CCDC141: variants seen among roughly 807,000 people sequenced by gnomAD.
CCDC141 encodes the protein coiled-coil domain-containing protein 141.
In CCDC141, 168 loss-of-function variants were observed where a neutral mutation model predicts 181.0. The observed-to-expected ratio is 0.93, with a 90% confidence interval of 0.82 to 1.05. CCDC141 has a LOEUF of 1.05. Ranked by LOEUF, CCDC141 falls within the 50% of genes least tolerant of loss-of-function variation. The pLI is 0.00. For missense variants in CCDC141, 1,902 were observed against 1,788.5 expected, an observed-to-expected ratio of 1.06 and a Z score of -1.14; for synonymous variants, 666 against 642.3, an observed-to-expected ratio of 1.04 and a Z score of -0.56.
In CCDC141 at chr2:178,899,046, G is replaced by A. The variant is rs191872139; in HGVS notation, c.1265+6283C>T. Reference sequence around the variant, plus strand: ...TTTATATAGAAAGTAAAAAAGTACAGTTATACACTGTATAACATTTCAATC... The same window carrying A: ...TTTATATAGAAAGTAAAAAAGTACAATTATACACTGTATAACATTTCAATC... On this transcript the variant is annotated intron_variant, in intron 8 of 23. Transcript: ENST00000443758. Among the ~76,000 whole-genome samples the A allele has an allele frequency of 4.1e-3, 616 of 152,070 alleles. 2 individuals carry two copies. Among genetic ancestry groups the A allele is most frequent in the Non-Finnish European group, 7.6e-3 (513 of 67,900 alleles).
At chr2:178,981,707 A>G (rs1452188539) in intron 2 of CCDC141, among the ~76,000 whole-genome samples, 183 of 126,744 alleles carry the variant, frequency 1.4e-3, no homozygotes, top group Admixed American at 4.0e-3. Context: ...GAGAGAAAAA[A>G]AAACCTAAAT....
At chr2:178,842,082 T>C (rs950177916) in intron 22 of CCDC141, among the ~76,000 whole-genome samples, 5 of 151,076 alleles carry the variant, frequency 3.3e-5, no homozygotes, top group African/African-American at 4.9e-5. Context: ...AAAAAAAAAA[T>C]GTGTGTGTGT....
At chr2:179,024,912 TA>T (rs923680500) in intron 2 of CCDC141, among the ~76,000 whole-genome samples, 2 of 151,964 alleles carry the variant, frequency 1.3e-5, no homozygotes, top group African/African-American at 2.4e-5. Context: ...AAAAACTTTT[TA>T]AAAAAAACAT....
intron 7 of CCDC141, among the ~76,000 whole-genome samples, chr2:178,907,874 T>C (rs1001178579): frequency 1.3e-5 from 2 of 151,982 alleles, no homozygotes; most frequent in African/African-American, 4.8e-5. Flanking sequence ...TAGCACGTGC[T>C]TGTAATCCCA....
intron 6 of CCDC141, among the ~76,000 whole-genome samples, chr2:178,943,047 G>A (rs182521783): frequency 1.8e-4 from 27 of 152,152 alleles, no homozygotes; most frequent in South Asian, 4.2e-4. Flanking sequence ...ACAATTTATC[G>A]TGAATATAAC....
At chr2:178,994,334 C>T (rs1159593548) in intron 2 of CCDC141, among the ~76,000 whole-genome samples, 1 of 152,240 alleles carries the variant, frequency 6.6e-6, no homozygotes, top group Admixed American at 6.5e-5. Context: ...TGTGTACCCA[C>T]AGGCTTGACA....
chr2:179,024,174 C>T (rs1409029093), intron 2 of CCDC141, among the ~76,000 whole-genome samples: 1 of 152,166 alleles, frequency 6.6e-6, no homozygotes, highest in Non-Finnish European at 1.5e-5. Flanking sequence ...ATTATTCATC[C>T]GTTCCACCAT....
At chr2:178,962,878 CTT>C (rs1323195955) in intron 4 of CCDC141, among the ~76,000 whole-genome samples, 5 of 152,166 alleles carry the variant, frequency 3.3e-5, no homozygotes, top group African/African-American at 7.2e-5. Flanking sequence ...TGACCCTGAA[CTT>C]TTCACTATGT....
chr2:179,048,694 C>T (rs1330303354), intron 1 of CCDC141, among the ~76,000 whole-genome samples: 2 of 152,134 alleles, frequency 1.3e-5, no homozygotes, highest in Non-Finnish European at 2.9e-5. Context: ...CATCTCCTCT[C>T]TGGGACTCTG....
intron 2 of CCDC141, among the ~76,000 whole-genome samples, chr2:179,016,760 G>A (rs2042555455): frequency 6.6e-6 from 1 of 151,976 alleles, no homozygotes. Context: ...TTTACCTAGT[G>A]GAAAACAAGT....
At chr2:179,038,519 A>G (rs1259017808) in intron 2 of CCDC141, among the ~76,000 whole-genome samples, 1 of 152,192 alleles carries the variant, frequency 6.6e-6, no homozygotes, top group African/African-American at 2.4e-5. Flanking sequence ...ATTATATGTT[A>G]TGTATGTTTT....
At chr2:178,885,186 C>A in intron 10 of CCDC141, 94 bp from the exon 11 acceptor site, 1 of 717,734 alleles carries the variant, frequency 1.4e-6, no homozygotes, top group Non-Finnish European at 2.1e-6. Flanking sequence ...ATTATGATCA[C>A]TAATTGAACT....
intron 5 of CCDC141, among the ~76,000 whole-genome samples, chr2:178,954,325 A>G (rs1015767883): frequency 1.3e-4 from 20 of 152,242 alleles, no homozygotes; most frequent in African/African-American, 4.8e-4. Flanking sequence ...ATGCTGCTGG[A>G]GCTGAATAGA....
chr2:178,846,847 C>T (rs983505943), intron 21 of CCDC141, among the ~76,000 whole-genome samples: 12 of 152,160 alleles, frequency 7.9e-5, no homozygotes, highest in African/African-American at 2.7e-4. Flanking sequence ...TGTATATGAA[C>T]GTCCTTTGTA....
At chr2:178,894,377 T>C (rs1007388246) in intron 8 of CCDC141, among the ~76,000 whole-genome samples, 3 of 151,470 alleles carry the variant, frequency 2.0e-5, no homozygotes, top group Admixed American at 6.6e-5. Context: ...CAATCCAAAA[T>C]CTCAAAACAC....
chr2:178,871,351 T>A, intron 14 of CCDC141, 76 bp downstream of exon 14: 1 of 1,475,914 alleles, frequency 6.8e-7, no homozygotes, highest in African/African-American at 1.4e-5. Flanking sequence ...CCTGTTACAA[T>A]TAATCAGGTA....
intron 11 of CCDC141, among the ~76,000 whole-genome samples, chr2:178,878,380 C>T (rs1300401631): frequency 6.6e-6 from 1 of 151,420 alleles, no homozygotes; most frequent in Non-Finnish European, 1.5e-5. Context: ...CGCACTGCAG[C>T]CCCAAACTCT....
chr2:178,900,823 T>C (rs1687650257), intron 8 of CCDC141, among the ~76,000 whole-genome samples: 2 of 152,184 alleles, frequency 1.3e-5, no homozygotes, highest in African/African-American at 4.8e-5. Flanking sequence ...GGATTTACCC[T>C]CATGCCTTAA....
At chr2:178,968,752 G>A (rs1226138312) in intron 4 of CCDC141, among the ~76,000 whole-genome samples, 1 of 152,088 alleles carries the variant, frequency 6.6e-6, no homozygotes, top group Non-Finnish European at 1.5e-5. Flanking sequence ...CAGAACTGAA[G>A]GAGATAGAAA....
Sources: gnomAD v4.1 joint callset for allele counts (sites outside exome capture counted in the v4.1 genomes callset) on GRCh38, gnomAD v4.1.1 for gene constraint, MANE v1.5 for transcripts, NCBI Gene and HGNC (gene_info 2026-07-23, HGNC 2026-07-21) for gene names.